Variants in MAN2B1 observed in about 807,000 individuals in gnomAD.
The protein encoded by MAN2B1 is mannosidase alpha class 2B member 1.
A neutral mutation model predicts 127.5 loss-of-function variants in MAN2B1; 99 were observed. That is an observed-to-expected ratio of 0.78 (90% CI 0.66 to 0.92). The LOEUF (loss-of-function observed/expected upper bound fraction) is 0.92. Among genes scored for constraint, MAN2B1 ranks in the 40% least tolerant of loss-of-function variants. MAN2B1 has a pLI of 0.00. For synonymous variants in MAN2B1, 573 were observed against 568.8 expected (o/e 1.01, Z -0.11); for missense variants, 1,304 against 1,384.8 (o/e 0.94, Z 0.93).
rs760618868 is a variant in MAN2B1, at chr19:12,650,188, GAGA to G, written c.2078_2080del (p.Phe693del). The G allele has an allele frequency of 1.2e-6, 2 of 1,613,934 alleles. No homozygotes were observed. Among genetic ancestry groups the G allele is most frequent in the Non-Finnish European group, 1.7e-6 (2 of 1,179,976 alleles). Reference sequence around the variant, plus strand: ...GCGAACCACCTGGGAACACCAAGCTGAGAAGTTCTGGTGCACCTCCTGCACCAA... The same window carrying G: ...GCGAACCACCTGGGAACACCAAGCTGAGTTCTGGTGCACCTCCTGCACCAA... On this transcript the variant is annotated inframe_deletion, in exon 17 of 24. Coordinates refer to ENST00000456935, the MANE Select transcript of MAN2B1 (RefSeq NM_000528.4).
chr19:12,650,236 G>T lies in MAN2B1; in HGVS notation c.2047-14C>A. On this transcript the variant is annotated splice_polypyrimidine_tract_variant and intron_variant, in intron 16 of 23. Coordinates refer to ENST00000456935, the MANE Select transcript of MAN2B1 (RefSeq NM_000528.4). ...CACCAAGGGTGTCTGCGGGCACACG[G>T]GTGAGGTGGATGTCAGTCTGTACCT... 19 of 1,550,758 alleles carry T rather than the reference G, an allele frequency of 1.2e-5. No homozygotes were observed. Among genetic ancestry groups the T allele is most frequent in the Non-Finnish European group, 1.5e-5 (17 of 1,123,120 alleles).
Position 12,657,951 on chromosome 19 carries a change from T to A in MAN2B1, c.1309+112A>T, listed in dbSNP as rs2024008577. ...GCCTGGGAGACAAATCGAGACTCCG[T>A]CTCAAAAAAAAAAAAAAAAAAAAAA... On this transcript the variant is annotated intron_variant, in intron 10 of 23. Transcript: ENST00000456935. 7 of 803,352 alleles carry A rather than the reference T, an allele frequency of 8.7e-6. No homozygotes were observed. In the South Asian group the frequency reaches 9.6e-5, roughly 11 times the overall value. The allele number at this position is 803,352 out of a possible 1,614,324, so 49.8% of individuals were successfully genotyped here. A position where few individuals can be genotyped will look rare whatever the true frequency, so the allele number is the denominator to read the frequency against.
intron 14 of MAN2B1, among the ~76,000 whole-genome samples, chr19:12,652,671 A>G (rs1165315213): frequency 6.6e-6 from 1 of 150,386 alleles, no homozygotes; most frequent in Admixed American, 6.6e-5. Context: ...AGCTGGGATT[A>G]CAGGTGCCCA....
chr19:12,655,771 G>C lies in MAN2B1; in HGVS notation c.1753C>G (p.Arg585Gly), dbSNP rs764543590. 2 of 1,608,752 alleles carry C rather than the reference G, an allele frequency of 1.2e-6. No individual in the cohort carries two copies. Among genetic ancestry groups the C allele is most frequent in the South Asian group, 1.1e-5 (1 of 90,908 alleles). ...GGTGCGCGGGCCTGGGGCTTCCAGC[G>C]AGGCACCTGGGCTACTGAATAGGTG... ...FSTYSVAQVP[R>G]WKPQARAPQP... The change falls in exon 14 of 24, where the codon CGC becomes GGC. Residue 585 changes from arginine (R) to glycine (G), a missense_variant. Physicochemically the swap from Arg to Gly is moderately radical, Grantham distance 125. Coordinates refer to ENST00000456935, the MANE Select transcript of MAN2B1 (RefSeq NM_000528.4).
At chr19:12,656,818 C>T (rs2023973021) in intron 12 of MAN2B1, 131 bp from the exon 13 acceptor site, 2 of 1,029,568 alleles carry the variant, frequency 1.9e-6, no homozygotes, top group East Asian at 2.4e-5. Flanking sequence ...CCTCGAGATG[C>T]GTTGTTCTCT....
Position 12,647,309 on chromosome 19 carries a change from G to T in MAN2B1, c.2847C>A (p.Thr949=). ...LRDLFSTFTI[T]RLQETTLVAN... is the part of the protein sequence containing the mutation. ...CCACCAGCGTGGTCTCCTGCAGGCG[G>T]GTGATGGTGAAGGTGGAGAACAGGT... Residue 949 remains threonine, a synonymous_variant, in exon 23 of 24, where the codon ACC becomes ACA. Coordinates refer to ENST00000456935, the MANE Select transcript of MAN2B1 (RefSeq NM_000528.4). The surrounding 1 kb of genome is among the most constrained non-coding windows in gnomAD (Gnocchi z 4.9). 1 of 1,614,186 alleles carries T rather than the reference G, an allele frequency of 6.2e-7. No homozygotes were observed. The highest frequency in any genetic ancestry group is 1.1e-5 in the South Asian group (1 of 91,086).
chr19:12,649,474 ACTC>A, intron 18 of MAN2B1, 46 bp from the exon 19 acceptor site: 12 of 592,294 alleles, frequency 2.0e-5, no homozygotes, highest in Non-Finnish European at 3.1e-5. Flanking sequence ...TGGCTCCCCA[ACTC>A]TTTTTTTTTT....
At chr19:12,660,467 A>G (rs1482447288) in intron 7 of MAN2B1, among the ~76,000 whole-genome samples, 1 of 152,176 alleles carries the variant, frequency 6.6e-6, no homozygotes, top group Non-Finnish European at 1.5e-5. Flanking sequence ...ACGCCACTGC[A>G]CTCCAGCCTG....
At chr19:12,656,443 C>T (rs1044225678) in intron 13 of MAN2B1, 128 bp downstream of exon 13, 2 of 717,578 alleles carry the variant, frequency 2.8e-6, no homozygotes, top group Non-Finnish European at 5.1e-6. Flanking sequence ...GGAGAAGATA[C>T]AAGAGGGGGG....
rs1032173716 is a variant in MAN2B1, at chr19:12,652,166, A to T, written c.2033T>A (p.Ile678Asn). ...CTAGTCCCTGACCTTCACCAGGTGG[A>T]TCTGAGCCCAGCGGCTCACAGGCAG... ...KPLPVSRWAQ[I>N]HLVKTPLVQE... Residue 678 changes from isoleucine to asparagine, a missense_variant, in exon 16 of 24, where the codon ATC (isoleucine) becomes AAC (asparagine). Ile to Asn is a moderately radical substitution (Grantham distance 149). Transcript: ENST00000456935. 2 of 1,613,488 alleles carry T rather than the reference A, an allele frequency of 1.2e-6. No homozygotes were observed. The highest frequency in any genetic ancestry group is 8.5e-7 in the Non-Finnish European group (1 of 1,179,438).
At chr19:12,649,770 C>A in intron 18 of MAN2B1, 143 bp downstream of exon 18, 1 of 754,254 alleles carries the variant, frequency 1.3e-6, no homozygotes, top group East Asian at 2.6e-5. Context: ...GCGTGAGCCA[C>A]TGCACCCTGC....
Position 12,647,336 on chromosome 19 carries a change from C to T in MAN2B1, c.2821-1G>A, listed in dbSNP as rs1367516404. On this transcript the variant is annotated splice_acceptor_variant, in intron 22 of 23. Transcript: ENST00000456935. LOFTEE classifies it high-confidence loss of function. The surrounding 1 kb of genome is among the most constrained non-coding windows in gnomAD (Gnocchi z 4.9). ...TGATGGTGAAGGTGGAGAACAGGTC[C>T]TGCGGGGAAGGGGATGGGCCCAGAT... The T allele has an allele frequency of 6.2e-7, 1 of 1,614,014 alleles. No individual in the cohort carries two copies. Among genetic ancestry groups the T allele is most frequent in the South Asian group, 1.1e-5 (1 of 91,074 alleles).
rs755434737 is a variant in MAN2B1, at chr19:12,663,303, G to A, written c.909+14C>T. The A allele has an allele frequency of 6.2e-7, 1 of 1,614,134 alleles. No homozygotes were observed. On this transcript the variant is annotated intron_variant, in intron 6 of 23. Transcript: ENST00000456935. ...GTATATACCGGACTCGAAGGTTCTGGACACCAGGGTTACCTGGGCAGTGGC... is the reference window on the plus strand; with the variant it reads ...GTATATACCGGACTCGAAGGTTCTGAACACCAGGGTTACCTGGGCAGTGGC...
intron 14 of MAN2B1, among the ~76,000 whole-genome samples, chr19:12,654,748 C>A (rs983561430): frequency 1.3e-5 from 2 of 152,082 alleles, no homozygotes; most frequent in Non-Finnish European, 2.9e-5. Flanking sequence ...GATCTCGGCT[C>A]ACTGCAACCT....
At chr19:12,651,434 G>A (rs1266513045) in intron 16 of MAN2B1, among the ~76,000 whole-genome samples, 1 of 152,188 alleles carries the variant, frequency 6.6e-6, no homozygotes, top group African/African-American at 2.4e-5. Context: ...AGATAGAAGA[G>A]GAGGTCCTGG....
intron 13 of MAN2B1, 172 bp downstream of exon 13, chr19:12,656,399 G>T: frequency 2.4e-5 from 14 of 576,288 alleles, no homozygotes; most frequent in East Asian, 6.0e-5. Context: ...GGAGGCATAT[G>T]TTCCCAAGGG....
rs879931134 is a variant in MAN2B1, at chr19:12,647,766, A to C, written c.2665-168T>G. ...GCCAGGGCCGTGACAGGGAGGACTG[A>C]GCCAATGGGGAGATGGGTCGGTCCC... On this transcript the variant is annotated intron_variant, in intron 21 of 23. Coordinates refer to ENST00000456935, the MANE Select transcript of MAN2B1 (RefSeq NM_000528.4). This position sits in a 1 kb window ranked among gnomAD's most constrained non-coding sequence, Gnocchi z 4.9. 3.5e-5 allele frequency: 22 copies of C among 626,804 alleles called. No homozygotes were observed. Among genetic ancestry groups the C allele is most frequent in the Non-Finnish European group, 5.3e-5 (19 of 360,966 alleles). The allele number at this position is 626,804 out of a possible 1,614,324, so 38.8% of individuals were successfully genotyped here.
Position 12,652,346 on chromosome 19 carries a change from T to C in MAN2B1, c.1928+17A>G. ...AGCACCACCACCCCACCCTCAGGCC[T>C]GGTGATCTTCCCTTACCAGAAGAAG... On this transcript the variant is annotated intron_variant, in intron 15 of 23. Transcript: ENST00000456935. 8 of 1,612,686 alleles carry C rather than the reference T, an allele frequency of 5.0e-6. No homozygotes were observed. Among genetic ancestry groups the C allele is most frequent in the Non-Finnish European group, 6.8e-6 (8 of 1,178,786 alleles).
intron 2 of MAN2B1, 41 bp downstream of exon 2, chr19:12,665,644 CCCAGAGGGATTACAGGGA>C: frequency 6.3e-7 from 1 of 1,588,802 alleles, no homozygotes; most frequent in Non-Finnish European, 8.6e-7. Context: ...ATGTCCAGGA[CCCAGAGGGATTACAGGGA>C]CCATGGGGAT....
Sources: allele counts gnomAD v4.1 joint callset (sites outside exome capture counted in the v4.1 genomes callset), GRCh38; gene constraint gnomAD v4.1.1; non-coding constraint Gnocchi (gnomAD v3.1); transcripts MANE v1.5; gene names NCBI Gene and HGNC (gene_info 2026-07-23, HGNC 2026-07-21).